N4BP2L2: variants seen among roughly 807,000 people sequenced by gnomAD.
The protein encoded by N4BP2L2 is NEDD4-binding protein 2-like 2.
A neutral mutation model predicts 56.2 loss-of-function variants in N4BP2L2; 50 were observed. The ratio of observed to expected loss-of-function variants is 0.89; its 90% CI spans 0.71 to 1.13. The LOEUF is 1.13. Ranked by LOEUF, N4BP2L2 falls within the 50% of genes most tolerant of loss-of-function variation. The probability of loss-of-function intolerance (pLI) is 0.00; values close to 1 mark genes in which losing one functional copy is unlikely to be tolerated. For missense variants in N4BP2L2, 689 were observed against 693.8 expected, an observed-to-expected ratio of 0.99 and a Z score of 0.08; for synonymous variants, 203 against 223.6, an observed-to-expected ratio of 0.91 and a Z score of 0.82.
rs772022473 is a variant in N4BP2L2 at position 32,535,803 on chromosome 13, C to T, written c.1225G>A (p.Gly409Ser). ...GTTGTTTTCCCAGAACCAGGCAGAC[C>T]TCTTAAAAGAATAAGTAACTTCTGC... Residue 409 changes from glycine to serine, a missense_variant, in exon 2 of 6, where the codon GGT becomes AGT. Coordinates refer to ENST00000267068, the Ensembl canonical transcript of N4BP2L2. 10 of 1,613,892 alleles carry T rather than the reference C, an allele frequency of 6.2e-6. No homozygotes were observed. The Admixed American group carries it at 1.5e-4, about 24-fold the overall frequency.
At chr13:32,443,431 T>G (rs2076623213) in exon 7 of N4BP2L2, 19 of 1,613,994 alleles carry the variant, frequency 1.2e-5, no homozygotes, top group Non-Finnish European at 1.6e-5. Flanking sequence ...ATCAGATAAA[T>G]TGGTTGTGAA....
exon 6 of N4BP2L2, chr13:32,515,034 A>C (rs2048898558): frequency 6.6e-6 from 1 of 152,534 alleles, no homozygotes; most frequent in Non-Finnish European, 1.5e-5. Context: ...GCTACTCGGG[A>C]GGCTGAGGCA....
intron 6 of N4BP2L2, among the ~76,000 whole-genome samples, chr13:32,464,589 T>A (rs1478111943): frequency 6.6e-6 from 1 of 152,182 alleles, no homozygotes; most frequent in Non-Finnish European, 1.5e-5. Context: ...CTTGCATATA[T>A]CAAGGTTTTG....
At chr13:32,495,378 C>T (rs569489238) in intron 6 of N4BP2L2, among the ~76,000 whole-genome samples, 1 of 152,278 alleles carries the variant, frequency 6.6e-6, no homozygotes, top group Admixed American at 6.5e-5. Context: ...TTCTCTAGCA[C>T]AGTAACCAGC....
At chr13:32,536,373 C>T (rs1274865675) in exon 2 of N4BP2L2, 4 of 1,614,088 alleles carry the variant, frequency 2.5e-6, no homozygotes, top group Non-Finnish European at 2.5e-6. Context: ...TTCTTTTCTT[C>T]ATCAGGTTTT....
chr13:32,517,700 G>T, exon 6 of N4BP2L2: 1 of 1,455,842 alleles, frequency 6.9e-7, no homozygotes, highest in Non-Finnish European at 9.0e-7. Flanking sequence ...CCTTTGTGAG[G>T]CACTGTAGCC....
intron 6 of N4BP2L2, among the ~76,000 whole-genome samples, chr13:32,498,705 T>A (rs112464630): frequency 0.017 from 2,582 of 151,994 alleles, 73 homozygotes; most frequent in African/African-American, 0.057. Flanking sequence ...GGAATTTTTT[T>A]AAAAATTTAT....
At chr13:32,514,422 A>T (rs2139840124) in exon 6 of N4BP2L2, 1 of 152,340 alleles carries the variant, frequency 6.6e-6, no homozygotes, top group Admixed American at 6.5e-5. Context: ...TATTCTACTT[A>T]ACTAAGATGT....
At chr13:32,514,046 A>G (rs1442497474) in exon 6 of N4BP2L2, 1 of 152,180 alleles carries the variant, frequency 6.6e-6, no homozygotes, top group Non-Finnish European at 1.5e-5. Flanking sequence ...TCTATACGTA[A>G]AACTGGAAAA....
rs564638012 is a variant in N4BP2L2 at position 32,535,171 on chromosome 13, C to G, written c.1259+598G>C. On this transcript the variant is annotated intron_variant, in intron 2 of 5. Transcript: ENST00000267068. Reference sequence around the variant, plus strand: ...AAGTAAGTATCATTTATTCCATTAACAGAGAGCAAAACTTGCCCAAGGTGA... The same window carrying G: ...AAGTAAGTATCATTTATTCCATTAAGAGAGAGCAAAACTTGCCCAAGGTGA... Among the ~76,000 whole-genome samples, 8 of 152,266 alleles carry G rather than the reference C, an allele frequency of 5.3e-5. No homozygotes were observed. In the South Asian group the frequency reaches 1.7e-3, roughly 32 times the overall value.
chr13:32,486,488 C>T (rs538746434), intron 6 of N4BP2L2, among the ~76,000 whole-genome samples: 16 of 151,700 alleles, frequency 1.1e-4, no homozygotes, highest in Admixed American at 8.5e-4. Context: ...CCAGCCTGGC[C>T]AACATGGTGA....
At chr13:32,520,447 A>G (rs527997552) in intron 5 of N4BP2L2, among the ~76,000 whole-genome samples, 2 of 152,074 alleles carry the variant, frequency 1.3e-5, no homozygotes, top group Admixed American at 6.5e-5. Flanking sequence ...TCACGAGGTC[A>G]GGAAATCAAG....
At chr13:32,535,422 T>C (rs2056295399) in intron 2 of N4BP2L2, among the ~76,000 whole-genome samples, 2 of 152,216 alleles carry the variant, frequency 1.3e-5, no homozygotes, top group Admixed American at 1.3e-4. Flanking sequence ...TATAAACATA[T>C]GCCAATTCTC....
At chr13:32,457,397 A>T (rs1442295009) in intron 6 of N4BP2L2, among the ~76,000 whole-genome samples, 1 of 152,218 alleles carries the variant, frequency 6.6e-6, no homozygotes, top group Non-Finnish European at 1.5e-5. Context: ...AAACCCAAAT[A>T]GATGTAACTC....
exon 6 of N4BP2L2, chr13:32,516,235 AAAG>A (rs1168066073): frequency 7.2e-5 from 11 of 152,244 alleles, no homozygotes; most frequent in Admixed American, 7.2e-4. Context: ...CTCTGAAATA[AAAG>A]AATATATGAA....
At chr13:32,520,335 G>A (rs2050464329) in intron 5 of N4BP2L2, among the ~76,000 whole-genome samples, 1 of 151,214 alleles carries the variant, frequency 6.6e-6, no homozygotes. Flanking sequence ...GGGAAGGTGG[G>A]GACGAGGAAG....
chr13:32,450,515 G>A (rs1344815537), intron 6 of N4BP2L2, among the ~76,000 whole-genome samples: 5 of 151,868 alleles, frequency 3.3e-5, no homozygotes, highest in East Asian at 1.9e-4. Flanking sequence ...TAGTAGAGAC[G>A]GGGTTTCACT....
chr13:32,501,885 G>C (rs543683632), intron 6 of N4BP2L2, among the ~76,000 whole-genome samples: 1 of 151,616 alleles, frequency 6.6e-6, no homozygotes, highest in African/African-American at 2.4e-5. Context: ...CATACCAACA[G>C]TCTATGCAAC....
chr13:32,500,322 T>G (rs548072450), intron 6 of N4BP2L2, among the ~76,000 whole-genome samples: 1 of 152,326 alleles, frequency 6.6e-6, no homozygotes, highest in Non-Finnish European at 1.5e-5. Context: ...GAATGCTACC[T>G]ATCCTGTCTA....
Sources: allele counts gnomAD v4.1 joint callset (sites outside exome capture counted in the v4.1 genomes callset), GRCh38; gene constraint gnomAD v4.1.1; transcripts MANE v1.5; gene names NCBI Gene and HGNC (gene_info 2026-07-23, HGNC 2026-07-21).